The following MYCBP2 variants were observed in gnomAD, a reference collection of about 807,000 sequenced individuals.
The protein encoded by MYCBP2 is E3 ubiquitin-protein ligase MYCBP2.
Under a neutral mutation model 525.3 loss-of-function variants are expected in MYCBP2, and 120 were observed. That is an observed-to-expected ratio of 0.23 (90% confidence interval 0.20 to 0.27). MYCBP2 has a LOEUF of 0.27. Among genes scored for constraint, MYCBP2 ranks in the 10% least tolerant of loss-of-function variants. The pLI, the probability that MYCBP2 is intolerant of heterozygous loss-of-function variation, is 1.00. For synonymous variants in MYCBP2, 1,894 were observed against 1,955.8 expected, an observed-to-expected ratio of 0.97 and a Z score of 0.83; for missense variants, 4,149 against 5,657.1, an observed-to-expected ratio of 0.73 and a Z score of 8.55.
intron 26 of MYCBP2, among the ~76,000 whole-genome samples, chr13:77,198,938 A>G (rs995058937): frequency 2.6e-5 from 4 of 152,240 alleles, no homozygotes; most frequent in African/African-American, 9.7e-5. Flanking sequence ...CTTCAGTGGT[A>G]AATTGTTGAA....
rs751800130 is a variant in MYCBP2, at chr13:77,158,116, AG to A, written c.6598-8del. ...CAGAATGGGTTTTGCACACCTGTTA[AG>A]TAAAAAAGAATATTTATATATTCTT... On this transcript the variant is annotated splice_region_variant and splice_polypyrimidine_tract_variant and intron_variant, in intron 44 of 82. Coordinates refer to ENST00000544440, the MANE Select transcript of MYCBP2 (RefSeq NM_015057.5). 5.2e-6 allele frequency: 8 copies of A among 1,530,152 alleles called. No individual in the cohort carries two copies. Among genetic ancestry groups the A allele is most frequent in the Non-Finnish European group, 7.0e-6 (8 of 1,142,410 alleles). 94.8% of individuals were successfully genotyped at this position (1,530,152 alleles called of 1,614,324 possible). A position where few individuals can be genotyped will look rare whatever the true frequency, so the allele number is the denominator to read the frequency against.
rs1294630143 is a variant in MYCBP2 at position 77,067,576 on chromosome 13, C to T, written c.12455+5G>A. ...TTTGGTACTAAAATAGAGGCAATAA[C>T]TAACCTGGAATTGAAAATCATCGGA... On this transcript the variant is annotated splice_donor_5th_base_variant and intron_variant, in intron 71 of 82. Coordinates refer to ENST00000544440, the MANE Select transcript of MYCBP2 (RefSeq NM_015057.5). 5 of 1,613,718 alleles carry T rather than the reference C, an allele frequency of 3.1e-6. No individual in the cohort carries two copies. The highest frequency in any genetic ancestry group is 4.5e-5 in the East Asian group (2 of 44,882).
At position 77,181,966 on chromosome 13, in the gene MYCBP2, A is replaced by T. The variant is rs188332839; in HGVS notation, c.4720-44T>A. The T allele has an allele frequency of 3.0e-4, 439 of 1,443,258 alleles. 5 individuals carry two copies. In the African/African-American group the frequency reaches 5.2e-3, roughly 17 times the overall value. 89.4% of individuals were successfully genotyped at this position (1,443,258 alleles called of 1,614,324 possible). The stretch of plus-strand genomic sequence containing the variant: ...TGGCCCCCCAACCAAAAAATATAGC[A>T]TCAGTATAATCTAAGTTTCTGAATA... On this transcript the variant is annotated intron_variant, in intron 32 of 82. Transcript: ENST00000544440.
chr13:77,139,960 C>T (rs2054348231), intron 51 of MYCBP2, 87 bp downstream of exon 51: 2 of 792,262 alleles, frequency 2.5e-6, no homozygotes, highest in African/African-American at 1.7e-5. Context: ...CATATTCTGA[C>T]AAAAAACTCA....
intron 33 of MYCBP2, among the ~76,000 whole-genome samples, chr13:77,180,924 C>A (rs1173484825): frequency 6.6e-6 from 1 of 152,070 alleles, no homozygotes; most frequent in Non-Finnish European, 1.5e-5. Flanking sequence ...TCTTAAAAAA[C>A]AAAAATAAAA....
intron 67 of MYCBP2, 122 bp from the exon 68 acceptor site, chr13:77,076,971 A>G: frequency 9.0e-7 from 1 of 1,109,192 alleles, no homozygotes; most frequent in Non-Finnish European, 1.3e-6. Flanking sequence ...ATACACCACT[A>G]TTTTTCTTAA....
chr13:77,253,171 A>G (rs1008377405), intron 14 of MYCBP2, among the ~76,000 whole-genome samples: 2 of 152,006 alleles, frequency 1.3e-5, no homozygotes, highest in African/African-American at 2.4e-5. Context: ...ATTTTTAGTA[A>G]GTAAAATAAA....
intron 7 of MYCBP2, among the ~76,000 whole-genome samples, chr13:77,268,904 T>C (rs1053472394): frequency 2.0e-5 from 3 of 152,260 alleles, no homozygotes; most frequent in African/African-American, 7.2e-5. Context: ...TATCATTTGA[T>C]CCTGACAACA....
At chr13:77,112,017 A>C (rs189089325) in intron 55 of MYCBP2, among the ~76,000 whole-genome samples, 1 of 152,276 alleles carries the variant, frequency 6.6e-6, no homozygotes, top group Non-Finnish European at 1.5e-5. Flanking sequence ...TTGGACAGGG[A>C]TAAAAGTTGA....
At chr13:77,112,009 G>C (rs1204873602) in intron 55 of MYCBP2, among the ~76,000 whole-genome samples, 4 of 152,070 alleles carry the variant, frequency 2.6e-5, no homozygotes, top group Non-Finnish European at 5.9e-5. Flanking sequence ...CCATGTTCTT[G>C]GACAGGGATA....
rs147900947 is a variant in MYCBP2 at position 77,180,785 on chromosome 13, T to G, written c.4942-467A>C. ...TTTTTAAAAAGTTAGCTGGGTGTGG[T>G]GGTATGTGCCTACAGCCCCAGCTAC... On this transcript the variant is annotated intron_variant, in intron 33 of 82. Transcript: ENST00000544440. Among the ~76,000 whole-genome samples the G allele has an allele frequency of 6.1e-3, 931 of 152,086 alleles. 6 individuals carry two copies. Among genetic ancestry groups the G allele is most frequent in the African/African-American group, 0.02 (829 of 41,468 alleles).
intron 9 of MYCBP2, 36 bp downstream of exon 9, chr13:77,263,893 C>T: frequency 6.2e-7 from 1 of 1,606,710 alleles, no homozygotes; most frequent in Non-Finnish European, 8.5e-7. Flanking sequence ...AAAGGAATTC[C>T]ATTTACACTA....
intron 15 of MYCBP2, among the ~76,000 whole-genome samples, chr13:77,250,805 C>T (rs1030180717): frequency 7.2e-5 from 11 of 151,898 alleles, no homozygotes. Context: ...GATTCATGTT[C>T]AACAGAAAGA....
At chr13:77,099,356 T>G (rs1447117962) in intron 55 of MYCBP2, 1 of 233,510 alleles carries the variant, frequency 4.3e-6, no homozygotes, top group East Asian at 1.1e-4. Flanking sequence ...GAAATTAATC[T>G]TTTGGGGAAT....
chr13:77,160,596 G>C (rs985044150), intron 44 of MYCBP2, among the ~76,000 whole-genome samples: 1 of 152,060 alleles, frequency 6.6e-6, no homozygotes, highest in African/African-American at 2.4e-5. Context: ...TATTATAATT[G>C]TAAGATGCAA....
At chr13:77,166,008 A>G (rs1013531647) in intron 41 of MYCBP2, among the ~76,000 whole-genome samples, 1 of 152,206 alleles carries the variant, frequency 6.6e-6, no homozygotes, top group Non-Finnish European at 1.5e-5. Context: ...CTGGGAAAAT[A>G]AAAGATCTAA....
intron 55 of MYCBP2, among the ~76,000 whole-genome samples, chr13:77,101,112 C>A (rs2046998464): frequency 6.6e-6 from 1 of 152,050 alleles, no homozygotes; most frequent in African/African-American, 2.4e-5. Flanking sequence ...CAGCTGGAGA[C>A]ATGTTTATCA....
chr13:77,238,258 A>AAG (rs2068263895), intron 17 of MYCBP2, among the ~76,000 whole-genome samples: 1 of 151,294 alleles, frequency 6.6e-6, no homozygotes, highest in African/African-American at 2.4e-5. Context: ...AAAAAAAAAA[A>AAG]AAAAAAAAAG....
At chr13:77,163,613 A>C (rs1209805085) in intron 43 of MYCBP2, among the ~76,000 whole-genome samples, 1 of 152,170 alleles carries the variant, frequency 6.6e-6, no homozygotes, top group Admixed American at 6.5e-5. Flanking sequence ...AATTTGCTCC[A>C]TATAAAAAAG....
Sources: gnomAD v4.1 joint callset for allele counts (sites outside exome capture counted in the v4.1 genomes callset) on GRCh38, gnomAD v4.1.1 for gene constraint, MANE v1.5 for transcripts, NCBI Gene and HGNC (gene_info 2026-07-23, HGNC 2026-07-21) for gene names.